Variants in ZMIZ1 observed in about 807,000 individuals in gnomAD.
The protein encoded by ZMIZ1 is zinc finger MIZ domain-containing protein 1.
In ZMIZ1, 17 loss-of-function variants were observed where a neutral mutation model predicts 113.9. That is an observed-to-expected ratio of 0.15 (90% CI 0.10 to 0.22). The LOEUF is 0.22. ZMIZ1 is among the 10% of genes least tolerant of loss of function. ZMIZ1 has a pLI of 1.00. For synonymous variants in ZMIZ1, 607 were observed against 603.1 expected (o/e 1.01, Z -0.09); for missense variants, 1,059 against 1,477.8 (o/e 0.72, Z 4.65).
chr10:79,257,218 CTG>C (rs761109542), intron 7 of ZMIZ1, among the ~76,000 whole-genome samples: 5 of 152,250 alleles, frequency 3.3e-5, no homozygotes, highest in African/African-American at 7.2e-5. Flanking sequence ...CTGAGGACCA[CTG>C]TGGGGACCCC....
intron 3 of ZMIZ1, among the ~76,000 whole-genome samples, chr10:79,149,876 G>A (rs1845643002): frequency 6.6e-6 from 1 of 152,216 alleles, no homozygotes; most frequent in African/African-American, 2.4e-5. Flanking sequence ...TCTGAAGTGT[G>A]CCCTCCTGGG....
chr10:79,146,964 G>A (rs1327246331), intron 3 of ZMIZ1, among the ~76,000 whole-genome samples: 2 of 133,074 alleles, frequency 1.5e-5, no homozygotes, highest in African/African-American at 5.3e-5. Flanking sequence ...GTGTGTGTGT[G>A]TGTGTGTGTA....
At chr10:79,097,214 G>A (rs138578535) in intron 1 of ZMIZ1, among the ~76,000 whole-genome samples, 64 of 152,326 alleles carry the variant, frequency 4.2e-4, no homozygotes, top group Admixed American at 1.1e-3. Context: ...TCAGCCAAGA[G>A]GCACATGACA....
At chr10:79,171,397 A>C (rs1316248081) in intron 4 of ZMIZ1, among the ~76,000 whole-genome samples, 1 of 152,160 alleles carries the variant, frequency 6.6e-6, no homozygotes, top group Non-Finnish European at 1.5e-5. Context: ...CTGGGCTGGG[A>C]GTCCCACTGG....
In ZMIZ1 at chr10:79,072,520, C is replaced by T. The variant is rs186571302; in HGVS notation, c.-337+3250C>T. ...CTGCTGCATCCTGAGAGTTTTGTCA[C>T]AAGAATACCTGCGTATAAAGCCACT... On this transcript the variant is annotated intron_variant, in intron 1 of 24. Coordinates refer to ENST00000334512, the MANE Select transcript of ZMIZ1 (RefSeq NM_020338.4). 5.6e-4 allele frequency among the ~76,000 whole-genome samples: 85 copies of T among 152,320 alleles called. 1 individual carries two copies. Among genetic ancestry groups the T allele is most frequent in the South Asian group, 1.0e-3 (5 of 4,820 alleles).
At chr10:79,151,420 G>T (rs1845705551) in intron 3 of ZMIZ1, among the ~76,000 whole-genome samples, 1 of 152,200 alleles carries the variant, frequency 6.6e-6, no homozygotes, top group Non-Finnish European at 1.5e-5. Flanking sequence ...AGGCAGTGGG[G>T]AGCCACTGAA....
In ZMIZ1 at chr10:79,300,876, G is replaced by A; in HGVS notation, c.1953G>A (p.Leu651=). The change falls in exon 17 of 25, where the codon CTG becomes CTA. Residue 651 remains leucine (L), a synonymous_variant. Coordinates refer to ENST00000334512, the MANE Select transcript of ZMIZ1 (RefSeq NM_020338.4). ...ACAACAAGACCTCCCACAAGCCCCT[G>A]CACCTGAAGCACGTGTGCCAGCCGG... ...RGDNKTSHKP[L]HLKHVCQPGR... 1.2e-6 allele frequency: 2 copies of A among 1,613,270 alleles called. No individual in the cohort carries two copies. Among genetic ancestry groups the A allele is most frequent in the African/African-American group, 2.7e-5 (2 of 75,028 alleles).
At chr10:79,071,207 G>C (rs1399198846) in intron 1 of ZMIZ1, among the ~76,000 whole-genome samples, 1 of 152,180 alleles carries the variant, frequency 6.6e-6, no homozygotes, top group Non-Finnish European at 1.5e-5. Flanking sequence ...GGTGCCAAGG[G>C]TTTTCTGAAG....
chr10:79,220,045 G>A (rs573710074), intron 7 of ZMIZ1, among the ~76,000 whole-genome samples: 3 of 152,314 alleles, frequency 2.0e-5, no homozygotes, highest in African/African-American at 7.2e-5. Flanking sequence ...CATAAGAGGG[G>A]TGGAGGCCAT....
chr10:79,095,181 G>A (rs79357024), intron 1 of ZMIZ1, among the ~76,000 whole-genome samples: 11,905 of 152,140 alleles, frequency 0.078, 956 homozygotes, highest in African/African-American at 0.2. Flanking sequence ...AAGTGGGAAC[G>A]ATTAAGGTTG....
chr10:79,146,926 TGTGCGTGTGTGTA>T (rs1202647128), intron 3 of ZMIZ1, among the ~76,000 whole-genome samples: 3 of 144,836 alleles, frequency 2.1e-5, no homozygotes, highest in African/African-American at 7.8e-5. Flanking sequence ...CACAAGTGGC[TGTGCGTGTGTGTA>T]GTGTACGTGT....
In ZMIZ1 at chr10:79,078,719, A is replaced by AT. The variant is rs10673987; in HGVS notation, c.-337+9462dup. The stretch of plus-strand genomic sequence containing the variant: ...GCACCCATGCCCAGCTAATTTTTGT[A>AT]TTTTTTTTTTTTTGCATATGGTGTT... On this transcript the variant is annotated intron_variant, in intron 1 of 24. Coordinates refer to ENST00000334512, the MANE Select transcript of ZMIZ1 (RefSeq NM_020338.4). Among the ~76,000 whole-genome samples the AT allele has an allele frequency of 1.4e-3, 174 of 125,064 alleles. 1 individual carries two copies. Among genetic ancestry groups the AT allele is most frequent in the South Asian group, 7.0e-3 (27 of 3,864 alleles). 82.0% of individuals were successfully genotyped at this position (125,064 alleles called of 152,430 possible).
chr10:79,230,293 C>G (rs1010637710), intron 7 of ZMIZ1, among the ~76,000 whole-genome samples: 1 of 152,090 alleles, frequency 6.6e-6, no homozygotes, highest in African/African-American at 2.4e-5. Flanking sequence ...TCCTGCTGCT[C>G]GGCTCTGCCA....
In ZMIZ1 at chr10:79,174,952, T is replaced by C. The variant is rs184365374; in HGVS notation, c.-50+12819T>C. ...CTCCATGGGGGCTTTCCTCCTTCCA[T>C]TGTGTGTCTTTGACCTTCCTCCCAG... On this transcript the variant is annotated intron_variant, in intron 4 of 24. Transcript: ENST00000334512. Among the ~76,000 whole-genome samples, 363 of 152,298 alleles carry C rather than the reference T, an allele frequency of 2.4e-3. 3 individuals carry two copies. Among genetic ancestry groups the C allele is most frequent in the Non-Finnish European group, 2.0e-3 (137 of 68,008 alleles).
rs796929513 is a variant in ZMIZ1 at position 79,249,876 on chromosome 10, C to T, written c.281-27305C>T. Among the ~76,000 whole-genome samples, 4 of 152,270 alleles carry T rather than the reference C, an allele frequency of 2.6e-5. No homozygotes were observed. The South Asian group carries it at 8.3e-4, about 32-fold the overall frequency. On this transcript the variant is annotated intron_variant, in intron 7 of 24. Coordinates refer to ENST00000334512, the MANE Select transcript of ZMIZ1 (RefSeq NM_020338.4). ...CCCGGGGCTCTTAAAATGGGGCCAC[C>T]CGGTGTCCTTCCCAAGCCAGTGTCA...
chr10:79,304,612 G>A (rs1365255441), intron 19 of ZMIZ1, among the ~76,000 whole-genome samples: 2 of 152,222 alleles, frequency 1.3e-5, no homozygotes, highest in African/African-American at 2.4e-5. Context: ...AGCCCGGCCT[G>A]GAAGAAGAAG....
chr10:79,082,232 G>A (rs1389824752), intron 1 of ZMIZ1, among the ~76,000 whole-genome samples: 1 of 152,262 alleles, frequency 6.6e-6, no homozygotes, highest in Non-Finnish European at 1.5e-5. Flanking sequence ...GGTGCCTATG[G>A]TCTTGGTAAG....
At chr10:79,072,366 C>T (rs779600619) in intron 1 of ZMIZ1, among the ~76,000 whole-genome samples, 1 of 152,212 alleles carries the variant, frequency 6.6e-6, no homozygotes, top group East Asian at 1.9e-4. Flanking sequence ...GGTGTCCATG[C>T]TTGACTCATT....
chr10:79,304,274 G>A, intron 19 of ZMIZ1, 99 bp downstream of exon 19: 1 of 1,434,696 alleles, frequency 7.0e-7, no homozygotes, highest in Non-Finnish European at 9.4e-7. Flanking sequence ...TCCTAACACT[G>A]TCCTGAAGGA....
Sources: allele counts gnomAD v4.1 joint callset (sites outside exome capture counted in the v4.1 genomes callset), GRCh38; gene constraint gnomAD v4.1.1; transcripts MANE v1.5; gene names NCBI Gene and HGNC (gene_info 2026-07-23, HGNC 2026-07-21).